Variants in CTNND2 observed in about 807,000 individuals in gnomAD.
CTNND2 encodes the protein catenin delta 2.
Under a neutral mutation model 144.4 loss-of-function variants are expected in CTNND2, and 22 were observed. That is an observed-to-expected ratio of 0.15 (90% CI 0.11 to 0.22). The LOEUF (loss-of-function observed/expected upper bound fraction) is 0.22, where lower values mean the gene tolerates loss of function less well. Among genes scored for constraint, CTNND2 ranks in the 10% least tolerant of loss-of-function variants. The pLI is 1.00. For synonymous variants in CTNND2, 751 were observed against 695.6 expected (o/e 1.08, Z -1.25); for missense variants, 1,353 against 1,618.8 (o/e 0.84, Z 2.82).
At chr5:11,219,208 G>C (rs1213396452) in intron 10 of CTNND2, among the ~76,000 whole-genome samples, 1 of 152,122 alleles carries the variant, frequency 6.6e-6, no homozygotes, top group Non-Finnish European at 1.5e-5. Flanking sequence ...CATGCAGTGG[G>C]GGTCACCTGG....
intron 1 of CTNND2, among the ~76,000 whole-genome samples, chr5:11,782,643 A>C (rs1790606610): frequency 6.6e-6 from 1 of 152,230 alleles, no homozygotes; most frequent in Non-Finnish European, 1.5e-5. Context: ...TATTTCAATC[A>C]GCATTCCAAA....
chr5:11,048,571 T>TA (rs1306128810), intron 16 of CTNND2, among the ~76,000 whole-genome samples: 1 of 152,144 alleles, frequency 6.6e-6, no homozygotes, highest in African/African-American at 2.4e-5. Flanking sequence ...ATGCATAACT[T>TA]AAACAGTTGA....
At chr5:11,274,562 A>C (rs1003809764) in intron 9 of CTNND2, among the ~76,000 whole-genome samples, 10 of 150,854 alleles carry the variant, frequency 6.6e-5, no homozygotes, top group African/African-American at 2.5e-4. Flanking sequence ...TTTTCACAGA[A>C]AGTTGATTTT....
intron 2 of CTNND2, among the ~76,000 whole-genome samples, chr5:11,583,337 G>A (rs575639278): frequency 1.3e-5 from 2 of 152,274 alleles, no homozygotes; most frequent in African/African-American, 4.8e-5. Context: ...AAACAGAAGG[G>A]GCGTATGCAG....
intron 20 of CTNND2, among the ~76,000 whole-genome samples, chr5:10,984,638 G>A (rs2149490262): frequency 6.6e-6 from 1 of 152,018 alleles, no homozygotes; most frequent in Non-Finnish European, 1.5e-5. Context: ...AGACACGTGA[G>A]GCAGAGGAAT....
intron 2 of CTNND2, among the ~76,000 whole-genome samples, chr5:11,579,416 G>A (rs1778237724): frequency 6.6e-6 from 1 of 152,144 alleles, no homozygotes; most frequent in Admixed American, 6.5e-5. Flanking sequence ...CAAGTTTGCA[G>A]GCTTATTTTC....
At chr5:11,613,523 T>C (rs1044964271) in intron 2 of CTNND2, among the ~76,000 whole-genome samples, 1 of 152,174 alleles carries the variant, frequency 6.6e-6, no homozygotes, top group African/African-American at 2.4e-5. Flanking sequence ...TGCTGTCCAA[T>C]CAGGCATTCA....
At chr5:11,838,462 G>A (rs1337700054) in intron 1 of CTNND2, among the ~76,000 whole-genome samples, 1 of 152,148 alleles carries the variant, frequency 6.6e-6, no homozygotes, top group African/African-American at 2.4e-5. Flanking sequence ...CTCCTTAAAT[G>A]AATCCCAGCC....
intron 9 of CTNND2, among the ~76,000 whole-genome samples, chr5:11,345,690 T>TAA (rs1160785193): frequency 6.6e-6 from 1 of 151,554 alleles, no homozygotes; most frequent in Non-Finnish European, 1.5e-5. Flanking sequence ...TGGCTATGAA[T>TAA]AAAACATCCT....
At chr5:10,981,177 C>T (rs375512407) in intron 21 of CTNND2, among the ~76,000 whole-genome samples, 94 of 152,312 alleles carry the variant, frequency 6.2e-4, no homozygotes, top group African/African-American at 1.8e-3. Flanking sequence ...GGGTTAGGAG[C>T]CAGAGAAGAA....
chr5:11,671,813 T>C (rs1783886577), intron 2 of CTNND2, among the ~76,000 whole-genome samples: 1 of 152,108 alleles, frequency 6.6e-6, no homozygotes, highest in African/African-American at 2.4e-5. Flanking sequence ...TCCAGTTTTG[T>C]TCCCTTGCTG....
intron 3 of CTNND2, among the ~76,000 whole-genome samples, chr5:11,473,362 TTATTA>T (rs1767413010): frequency 6.6e-6 from 1 of 152,196 alleles, no homozygotes; most frequent in Non-Finnish European, 1.5e-5. Flanking sequence ...TTCATGTTGT[TTATTA>T]TAAGTATTAG....
chr5:11,691,359 G>A (rs189356734), intron 2 of CTNND2, among the ~76,000 whole-genome samples: 38 of 148,684 alleles, frequency 2.6e-4, no homozygotes, highest in Middle Eastern at 3.4e-3. Flanking sequence ...GCGACAGAGC[G>A]AGACTCTGTC....
intron 10 of CTNND2, among the ~76,000 whole-genome samples, chr5:11,206,424 G>T (rs1353104553): frequency 6.6e-6 from 1 of 152,080 alleles, no homozygotes; most frequent in Admixed American, 6.5e-5. Context: ...CCCAAGAAAG[G>T]CCTCTCCATT....
intron 2 of CTNND2, among the ~76,000 whole-genome samples, chr5:11,608,047 C>T (rs1780142469): frequency 6.6e-6 from 1 of 152,092 alleles, no homozygotes; most frequent in Non-Finnish European, 1.5e-5. Context: ...AGATATTATG[C>T]TGTGATGATT....
intron 2 of CTNND2, among the ~76,000 whole-genome samples, chr5:11,635,842 C>A (rs1023121478): frequency 1.3e-5 from 2 of 152,062 alleles, no homozygotes; most frequent in Non-Finnish European, 2.9e-5. Flanking sequence ...ACTAGCAGAT[C>A]AGCTCCCACC....
intron 3 of CTNND2, among the ~76,000 whole-genome samples, chr5:11,447,000 T>C (rs1001071343): frequency 6.6e-6 from 1 of 151,174 alleles, no homozygotes; most frequent in Non-Finnish European, 1.5e-5. Flanking sequence ...GGCTCTAACA[T>C]ACACACACAC....
At position 11,364,687 on chromosome 5, in the gene CTNND2, A is replaced by T. The variant is rs1469960582; in HGVS notation, c.1372+9T>A. On this transcript the variant is annotated intron_variant, in intron 8 of 21. Coordinates refer to ENST00000304623, the MANE Select transcript of CTNND2 (RefSeq NM_001332.4). ...GGACAGGCCACCCAGTGGGGTCCTG[A>T]TTACACACCTGTGCTCGTGCGGTAG... The T allele has an allele frequency of 6.2e-7, 1 of 1,602,166 alleles. No individual in the cohort carries two copies. Among genetic ancestry groups the T allele is most frequent in the Non-Finnish European group, 8.5e-7 (1 of 1,176,258 alleles).
intron 9 of CTNND2, among the ~76,000 whole-genome samples, chr5:11,293,668 CA>C (rs1430522934): frequency 6.6e-6 from 1 of 151,334 alleles, no homozygotes; most frequent in African/African-American, 2.4e-5. Flanking sequence ...ATGAAAAAAG[CA>C]TTCAACAGCC....
Sources: allele counts gnomAD v4.1 joint callset (sites outside exome capture counted in the v4.1 genomes callset), GRCh38; gene constraint gnomAD v4.1.1; transcripts MANE v1.5; gene names NCBI Gene and HGNC (gene_info 2026-07-23, HGNC 2026-07-21).